The following FRMD6 variants were observed in gnomAD, a reference collection of about 807,000 sequenced individuals.
FRMD6 encodes the protein FERM domain-containing protein 6.
FRMD6 carries 37 observed loss-of-function variants against 73.2 expected under a neutral mutation model. The ratio of observed to expected loss-of-function variants is 0.51; its 90% CI spans 0.39 to 0.66. The LOEUF (loss-of-function observed/expected upper bound fraction) is 0.66. Among genes scored for constraint, FRMD6 ranks in the 30% least tolerant of loss-of-function variants. The probability of loss-of-function intolerance (pLI) is 0.00; values close to 1 mark genes in which losing one functional copy is unlikely to be tolerated. For synonymous variants in FRMD6, 273 were observed against 282.2 expected (o/e 0.97, Z 0.33); for missense variants, 714 against 780.5 (o/e 0.91, Z 1.02).
At chr14:51,429,377 G>A in the FRMD6 span, among the ~76,000 whole-genome samples, 3 of 152,116 alleles carry the variant, frequency 2.0e-5, no homozygotes, top group African/African-American at 7.2e-5. Flanking sequence ...TGATTCTAAT[G>A]TGCAACCCAG....
chr14:51,436,252 A>G, the FRMD6 span: 1 of 368,152 alleles, frequency 2.7e-6, no homozygotes, highest in Non-Finnish European at 5.2e-6. Context: ...GAACAGAAAT[A>G]TAACAAACTC....
Position 51,535,187 on chromosome 14 carries a change from A to G in FRMD6, c.-209-35161A>G, listed in dbSNP as rs371715435. Among the ~76,000 whole-genome samples the G allele has an allele frequency of 3.9e-5, 6 of 152,218 alleles. No homozygotes were observed. In the South Asian group the frequency reaches 8.3e-4, roughly 21 times the overall value. ...AAACCTTTCTAGCCCCACTTAAAAA[A>G]AATAGCTTATTGAAATATAATTTAC... On this transcript the variant is annotated intron_variant, in intron 1 of 14. Coordinates refer to the FRMD6 transcript ENST00000356218.
chr14:51,569,503 CTTTCT>C (rs1887979747), intron 1 of FRMD6, among the ~76,000 whole-genome samples: 1 of 122,900 alleles, frequency 8.1e-6, no homozygotes, highest in Admixed American at 9.0e-5. Context: ...TTCTTTCTTT[CTTTCT>C]TTTTTTTTTT....
intron 9 of FRMD6, chr14:51,714,909 G>A (rs67814408): frequency 0.28 from 43,292 of 152,338 alleles, 6,592 homozygotes; most frequent in African/African-American, 0.39. Flanking sequence ...CATTTTAAGT[G>A]TTCAATAAAT....
Position 51,730,458 on chromosome 14 carries a change from A to C in FRMD6, c.*2429A>C, listed in dbSNP as rs1379903496. ...AAATAAAAAGGAAAGGAAATATATA[A>C]AGCTGTTATTTATTCTGCATTTCTT... On this transcript the variant is annotated 3_prime_UTR_variant, in exon 14 of 14. Coordinates refer to ENST00000344768, the MANE Select transcript of FRMD6 (RefSeq NM_001267046.2). 1 of 152,390 alleles carries C rather than the reference A, an allele frequency of 6.6e-6. No homozygotes were observed. Among genetic ancestry groups the C allele is most frequent in the Non-Finnish European group, 1.5e-5 (1 of 68,030 alleles). The allele number at this position is 152,390 out of a possible 1,614,324, so 9.4% of individuals were successfully genotyped here.
chr14:51,728,112 G>T lies in FRMD6; in HGVS notation c.*83G>T. 1.6e-6 allele frequency: 2 copies of T among 1,279,562 alleles called. No individual in the cohort carries two copies. The highest frequency in any genetic ancestry group is 1.5e-5 in the South Asian group (1 of 68,386). The allele number at this position is 1,279,562 out of a possible 1,614,324, so 79.3% of individuals were successfully genotyped here. On this transcript the variant is annotated 3_prime_UTR_variant, in exon 14 of 14. Transcript: ENST00000344768. ...CATAAGTTCTTTACATATTACTTGT[G>T]CCATATCTTCTTCACCCTAAACATA...
chr14:51,569,970 C>T (rs956327276), intron 1 of FRMD6, among the ~76,000 whole-genome samples: 6 of 152,046 alleles, frequency 3.9e-5, no homozygotes, highest in African/African-American at 1.4e-4. Context: ...TGTGCGCCAC[C>T]ACACTCGGCT....
At chr14:51,411,548 T>C in the FRMD6 span, among the ~76,000 whole-genome samples, 11,509 of 152,278 alleles carry the variant, frequency 0.076, 479 homozygotes, top group South Asian at 0.091. Flanking sequence ...TAACCATTGC[T>C]TTATTATTAG....
the FRMD6 span, among the ~76,000 whole-genome samples, chr14:51,423,620 T>G: frequency 6.6e-6 from 1 of 152,184 alleles, no homozygotes; most frequent in Non-Finnish European, 1.5e-5. Context: ...CATACTCTTC[T>G]AGACAAGCTG....
the FRMD6 span, among the ~76,000 whole-genome samples, chr14:51,445,276 C>A: frequency 2.0e-3 from 307 of 152,284 alleles, 2 homozygotes; most frequent in Non-Finnish European, 3.6e-3. Context: ...AGCACACCAG[C>A]CTCCAGGAGA....
chr14:51,652,649 G>T (rs1281683564), intron 1 of FRMD6, among the ~76,000 whole-genome samples: 1 of 152,238 alleles, frequency 6.6e-6, no homozygotes, highest in African/African-American at 2.4e-5. Flanking sequence ...GCAGATCGGC[G>T]CCAGACGGGG....
intron 2 of FRMD6, among the ~76,000 whole-genome samples, chr14:51,627,235 A>C (rs1050433973): frequency 6.6e-6 from 1 of 152,348 alleles, no homozygotes; most frequent in South Asian, 2.1e-4. Flanking sequence ...TGCACTAGCC[A>C]AACTTCCCTA....
intron 9 of FRMD6, 102 bp downstream of exon 9, chr14:51,712,653 G>A (rs1271355231): frequency 2.7e-6 from 2 of 733,312 alleles, no homozygotes; most frequent in South Asian, 1.7e-5. Context: ...ATTGTCTCAG[G>A]CACAAAAGCT....
chr14:51,410,707 A>G, the FRMD6 span, among the ~76,000 whole-genome samples: 1 of 152,240 alleles, frequency 6.6e-6, no homozygotes, highest in Non-Finnish European at 1.5e-5. Context: ...AAACACGTTC[A>G]TACATTATAT....
At chr14:51,687,205 A>AT (rs1279829224) in intron 1 of FRMD6, among the ~76,000 whole-genome samples, 15 of 152,098 alleles carry the variant, frequency 9.9e-5, no homozygotes, top group Non-Finnish European at 1.9e-4. Context: ...TTTCTAGTTT[A>AT]TTTTTTAAAT....
intron 2 of FRMD6, among the ~76,000 whole-genome samples, chr14:51,611,221 A>C (rs969525456): frequency 2.0e-5 from 3 of 152,058 alleles, no homozygotes. Context: ...AATATAAGGA[A>C]ATTTCTTAAC....
chr14:51,478,588 G>A, the FRMD6 span, among the ~76,000 whole-genome samples: 2 of 152,200 alleles, frequency 1.3e-5, no homozygotes, highest in Admixed American at 6.5e-5. Context: ...GAGGAATCTC[G>A]TGAGTTCTTC....
chr14:51,460,538 C>T, the FRMD6 span, among the ~76,000 whole-genome samples: 2 of 152,112 alleles, frequency 1.3e-5, no homozygotes, highest in Non-Finnish European at 2.9e-5. Flanking sequence ...ATTACAGGGT[C>T]AAGGACGTGA....
chr14:51,638,509 TC>T (rs1174959810), intron 2 of FRMD6, among the ~76,000 whole-genome samples: 1 of 151,966 alleles, frequency 6.6e-6, no homozygotes, highest in Non-Finnish European at 1.5e-5. Flanking sequence ...AGCCTCTTGT[TC>T]CATGCTAGAT....
Sources: allele counts gnomAD v4.1 joint callset (sites outside exome capture counted in the v4.1 genomes callset), GRCh38; gene constraint gnomAD v4.1.1; transcripts MANE v1.5; gene names NCBI Gene and HGNC (gene_info 2026-07-23, HGNC 2026-07-21).